PADI6: variants seen among roughly 807,000 people sequenced by gnomAD.
PADI6 encodes the protein peptidyl arginine deiminase 6.
Under a neutral mutation model 78.2 loss-of-function variants are expected in PADI6, and 66 were observed. That is an observed-to-expected ratio of 0.84 (90% CI 0.69 to 1.04). PADI6 has a LOEUF of 1.04. Ranked by LOEUF, PADI6 falls within the 50% of genes least tolerant of loss-of-function variation. The pLI, the probability that PADI6 is intolerant of heterozygous loss-of-function variation, is 0.00. For synonymous variants in PADI6, 397 were observed against 346.9 expected, an observed-to-expected ratio of 1.14 and a Z score of -1.60; for missense variants, 854 against 866.1, an observed-to-expected ratio of 0.99 and a Z score of 0.18.
intron 3 of PADI6, among the ~76,000 whole-genome samples, chr1:17,378,606 GTTTGTT>G (rs1481459575): frequency 6.6e-6 from 1 of 152,014 alleles, no homozygotes; most frequent in Non-Finnish European, 1.5e-5. Context: ...GTGTTTTTTT[GTTTGTT>G]TTTGTTTTTT....
chr1:17,395,029 C>T lies in PADI6; in HGVS notation c.1416C>T (p.Tyr472=). The stretch of plus-strand genomic sequence containing the variant: ...AGGTCCAAGCGCCGGTGGAGCTCTA[C>T]TCAGATTGGCTAATGACTGGCCACG... ...AQQVQAPVEL[Y]SDWLMTGHVD... The change falls in exon 12 of 16, where the codon TAC becomes TAT. Residue 472 remains tyrosine, a synonymous_variant. Coordinates refer to ENST00000619609, the MANE Select transcript of PADI6 (RefSeq NM_207421.4). 6.2e-7 allele frequency: 1 copy of T among 1,613,928 alleles called. No individual in the cohort carries two copies. Among genetic ancestry groups the T allele is most frequent in the South Asian group, 1.1e-5 (1 of 91,074 alleles).
chr1:17,373,365 G>A, intron 2 of PADI6, 132 bp downstream of exon 2: 1 of 1,102,430 alleles, frequency 9.1e-7, no homozygotes, highest in Non-Finnish European at 1.3e-6. Flanking sequence ...ATCTCATCCA[G>A]TGTCTGCAAC....
intron 1 of PADI6, 83 bp from the exon 2 acceptor site, chr1:17,372,973 G>T: frequency 1.4e-6 from 2 of 1,403,524 alleles, no homozygotes; most frequent in Non-Finnish European, 2.0e-6. Flanking sequence ...GGATTCGGGA[G>T]CCGTCCCCTC....
intron 1 of PADI6, 42 bp from the exon 2 acceptor site, chr1:17,373,014 G>GGTGA (rs2308230): frequency 0.21 from 337,240 of 1,587,054 alleles, 37,760 homozygotes; most frequent in African/African-American, 0.35. Context: ...AGGCTGAGAA[G>GGTGA]GTGTTTGTGC....
At chr1:17,380,929 C>A in intron 4 of PADI6, 118 bp from the exon 5 acceptor site, 1 of 782,706 alleles carries the variant, frequency 1.3e-6, no homozygotes, top group Non-Finnish European at 2.0e-6. Flanking sequence ...AGTCCTGTTC[C>A]ATGGGTCCCT....
chr1:17,390,937 G>A (rs2075175921), intron 8 of PADI6, among the ~76,000 whole-genome samples: 1 of 152,182 alleles, frequency 6.6e-6, no homozygotes. Context: ...GCAAGACTGA[G>A]CCGACACACC....
At chr1:17,391,225 A>AT (rs1312469253) in intron 8 of PADI6, among the ~76,000 whole-genome samples, 6 of 151,704 alleles carry the variant, frequency 4.0e-5, no homozygotes, top group Non-Finnish European at 5.9e-5. Flanking sequence ...ATAATTTATT[A>AT]TTTTTTCTTT....
At chr1:17,396,198 C>T (rs1174397392) in intron 13 of PADI6, among the ~76,000 whole-genome samples, 1 of 152,084 alleles carries the variant, frequency 6.6e-6, no homozygotes, top group African/African-American at 2.4e-5. Context: ...CCAGCCTGGC[C>T]AACATGACGA....
intron 15 of PADI6, among the ~76,000 whole-genome samples, chr1:17,399,358 G>A (rs1210527280): frequency 6.6e-6 from 1 of 152,176 alleles, no homozygotes; most frequent in Non-Finnish European, 1.5e-5. Context: ...CAACACTTTG[G>A]GAGGCCGAGG....
chr1:17,387,775 G>A (rs1442290826), intron 6 of PADI6, among the ~76,000 whole-genome samples: 2 of 152,260 alleles, frequency 1.3e-5, no homozygotes, highest in African/African-American at 4.8e-5. Context: ...GATCTAATTA[G>A]CAAACGGACA....
chr1:17,376,517 T>G, intron 3 of PADI6, among the ~76,000 whole-genome samples: 1 of 150,234 alleles, frequency 6.7e-6, no homozygotes, highest in East Asian at 2.0e-4. Context: ...GTGGGCTAAT[T>G]TTTTTTATTT....
At chr1:17,393,489 TGGA>T (rs2075212128) in intron 9 of PADI6, among the ~76,000 whole-genome samples, 1 of 152,166 alleles carries the variant, frequency 6.6e-6, no homozygotes, top group Non-Finnish European at 1.5e-5. Flanking sequence ...GGCTTGTTAA[TGGA>T]TTCTTTACGA....
At chr1:17,379,775 G>A in intron 3 of PADI6, 145 bp from the exon 4 acceptor site, 1 of 628,218 alleles carries the variant, frequency 1.6e-6, no homozygotes. Context: ...CTTTGAGAAT[G>A]GTTTCTGCTT....
At chr1:17,389,599 C>T (rs982655601) in intron 8 of PADI6, among the ~76,000 whole-genome samples, 2 of 152,208 alleles carry the variant, frequency 1.3e-5, no homozygotes, top group African/African-American at 4.8e-5. Flanking sequence ...CCTGAACACG[C>T]ACGGGGCCAC....
intron 10 of PADI6, 52 bp downstream of exon 10, chr1:17,394,134 G>C: frequency 2.5e-6 from 4 of 1,582,952 alleles, no homozygotes; most frequent in Non-Finnish European, 3.5e-6. Context: ...CTCAGGCCTG[G>C]GGCCTGCCTA....
intron 7 of PADI6, 48 bp downstream of exon 7, chr1:17,388,607 G>A (rs754970821): frequency 2.6e-6 from 4 of 1,526,048 alleles, no homozygotes; most frequent in Non-Finnish European, 3.6e-6. Context: ...GCTCCGGTGG[G>A]GGAAAAGCCA....
chr1:17,375,324 CAA>C lies in PADI6; in HGVS notation c.295-102_295-101del, dbSNP rs1401818377. ...AGGTGAGACTTCAGAAGCCATAACA[CAA>C]GACCAAGATCCCACGCCTAGACTCG... On this transcript the variant is annotated intron_variant, in intron 2 of 15. Coordinates refer to ENST00000619609, the MANE Select transcript of PADI6 (RefSeq NM_207421.4). 5 of 1,089,138 alleles carry C rather than the reference CAA, an allele frequency of 4.6e-6. No homozygotes were observed. The African/African-American group carries it at 6.2e-5, about 14-fold the overall frequency. The allele number at this position is 1,089,138 out of a possible 1,614,324, so 67.5% of individuals were successfully genotyped here.
At chr1:17,386,461 C>T (rs2075120642) in intron 6 of PADI6, among the ~76,000 whole-genome samples, 1 of 152,322 alleles carries the variant, frequency 6.6e-6, no homozygotes, top group South Asian at 2.1e-4. Flanking sequence ...AGCCCAGGTC[C>T]CCAGAACAGG....
At chr1:17,394,558 A>G in intron 11 of PADI6, 104 bp downstream of exon 11, 1 of 1,245,694 alleles carries the variant, frequency 8.0e-7, no homozygotes, top group South Asian at 1.6e-5. Context: ...CACACACTGG[A>G]CCATTTCTTA....
Sources: allele counts gnomAD v4.1 joint callset (sites outside exome capture counted in the v4.1 genomes callset), GRCh38; gene constraint gnomAD v4.1.1; transcripts MANE v1.5; gene names NCBI Gene and HGNC (gene_info 2026-07-23, HGNC 2026-07-21).